Variants in ZNF143 observed in about 807,000 individuals in gnomAD.
ZNF143 encodes SPH-binding factor.
ZNF143 carries 49 observed loss-of-function variants against 74.1 expected under a neutral mutation model. That is an observed-to-expected ratio of 0.66 (90% confidence interval 0.53 to 0.84). The LOEUF is 0.84. Among genes scored for constraint, ZNF143 ranks in the 40% least tolerant of loss-of-function variants. ZNF143 has a pLI of 0.00. For synonymous variants in ZNF143, 304 were observed against 282.8 expected (o/e 1.07, Z -0.75); for missense variants, 637 against 793.4 (o/e 0.80, Z 2.37).
chr11:9,476,961 A>G (rs1479757761), intron 5 of ZNF143, among the ~76,000 whole-genome samples: 2 of 149,120 alleles, frequency 1.3e-5, no homozygotes, highest in Non-Finnish European at 3.0e-5. Flanking sequence ...GCGGGGTTTC[A>G]CCGTGTTAGC....
At chr11:9,489,079 A>G (rs1847670843) in intron 7 of ZNF143, among the ~76,000 whole-genome samples, 2 of 152,144 alleles carry the variant, frequency 1.3e-5, no homozygotes, top group African/African-American at 4.8e-5. Context: ...TATTTTTCCA[A>G]CTACTGTATA....
intron 14 of ZNF143, among the ~76,000 whole-genome samples, chr11:9,519,734 T>C (rs1310893607): frequency 6.6e-6 from 1 of 152,192 alleles, no homozygotes; most frequent in African/African-American, 2.4e-5. Flanking sequence ...CTTGGATAAA[T>C]ACCTATTTGT....
chr11:9,517,564 T>A (rs977956043), intron 14 of ZNF143, among the ~76,000 whole-genome samples: 2 of 152,240 alleles, frequency 1.3e-5, no homozygotes, highest in Admixed American at 1.3e-4. Context: ...GTGCCTCTTC[T>A]CCTTCAGCAT....
chr11:9,525,959 T>C (rs1476197563), intron 15 of ZNF143, among the ~76,000 whole-genome samples: 1 of 151,342 alleles, frequency 6.6e-6, no homozygotes, highest in East Asian at 2.0e-4. Context: ...CTGGGCAACA[T>C]GGTGAAAACC....
intron 11 of ZNF143, among the ~76,000 whole-genome samples, chr11:9,508,064 C>G (rs1056480483): frequency 3.3e-5 from 5 of 152,142 alleles, no homozygotes; most frequent in Non-Finnish European, 7.4e-5. Flanking sequence ...ATTTACTTCC[C>G]TATGTATTGC....
At chr11:9,461,158 T>G (rs1855797573) in intron 1 of ZNF143, 82 bp downstream of exon 1, 1 of 878,628 alleles carries the variant, frequency 1.1e-6, no homozygotes, top group African/African-American at 1.8e-5. Flanking sequence ...GCGGGCCCGC[T>G]TGGGCCCGGG....
At chr11:9,471,902 TTTTTTCTTTTTC>T (rs1171698880) in intron 2 of ZNF143, among the ~76,000 whole-genome samples, 1 of 149,730 alleles carries the variant, frequency 6.7e-6, no homozygotes, top group Non-Finnish European at 1.5e-5. Flanking sequence ...AGGGAATTTT[TTTTTTCTTTTTC>T]TTTTTCTTTT....
intron 10 of ZNF143, among the ~76,000 whole-genome samples, chr11:9,500,423 T>C (rs73406283): frequency 0.021 from 3,173 of 152,076 alleles, 93 homozygotes; most frequent in African/African-American, 0.07. Context: ...TTGTTGAACA[T>C]TAGTTAAAAC....
chr11:9,465,973 T>A (rs1480996739), intron 1 of ZNF143, among the ~76,000 whole-genome samples: 1 of 150,494 alleles, frequency 6.6e-6, no homozygotes, highest in Non-Finnish European at 1.5e-5. Flanking sequence ...GTATTACAGG[T>A]CCAAGCTACC....
In ZNF143 at chr11:9,502,030, A is replaced by G. The variant is rs1451845197; in HGVS notation, c.1147+760A>G. Among the ~76,000 whole-genome samples the G allele has an allele frequency of 7.9e-5, 10 of 126,130 alleles. No homozygotes were observed. In the Admixed American group the frequency reaches 1.0e-3, roughly 13 times the overall value. 82.7% of individuals were successfully genotyped at this position (126,130 alleles called of 152,430 possible). A position where few individuals can be genotyped will look rare whatever the true frequency, so the allele number is the denominator to read the frequency against. ...CGGCTCACTGCAACCTCCGCCTCCC[A>G]GGTTTAAGCGATTCTCCCACCTCAG... On this transcript the variant is annotated intron_variant, in intron 11 of 15. Transcript: ENST00000396602.
intron 1 of ZNF143, among the ~76,000 whole-genome samples, chr11:9,465,318 C>G (rs1856131675): frequency 6.6e-6 from 1 of 151,844 alleles, no homozygotes; most frequent in Non-Finnish European, 1.5e-5. Context: ...TCCCAAGTAG[C>G]TGGGATTACA....
intron 13 of ZNF143, among the ~76,000 whole-genome samples, chr11:9,514,199 A>G (rs1052944285): frequency 1.3e-5 from 2 of 152,132 alleles, no homozygotes; most frequent in Admixed American, 6.5e-5. Context: ...TAATTCTACT[A>G]TTTATCAGAC....
chr11:9,462,285 C>G (rs912586559), intron 1 of ZNF143, among the ~76,000 whole-genome samples: 3 of 149,874 alleles, frequency 2.0e-5, no homozygotes, highest in Admixed American at 1.3e-4. Flanking sequence ...TTTACAGATG[C>G]CCGCCTTTAT....
At chr11:9,486,448 T>TATATATTATATATATA (rs1847549866) in intron 7 of ZNF143, among the ~76,000 whole-genome samples, 1 of 55,162 alleles carries the variant, frequency 1.8e-5, no homozygotes, top group Non-Finnish European at 3.3e-5. Context: ...TAATATATTA[T>TATATATTATATATATA]ATATATTATA....
chr11:9,505,908 A>T (rs919230761), intron 11 of ZNF143, among the ~76,000 whole-genome samples: 16 of 151,718 alleles, frequency 1.1e-4, no homozygotes, highest in Non-Finnish European at 1.9e-4. Flanking sequence ...GGAAAAGACA[A>T]TTCATCTTTT....
intron 6 of ZNF143, 122 bp downstream of exon 6, chr11:9,478,708 G>A: frequency 8.8e-7 from 1 of 1,136,180 alleles, no homozygotes; most frequent in Non-Finnish European, 1.2e-6. Context: ...GCTGGGCATG[G>A]CGTGATGGCT....
At position 9,527,775 on chromosome 11, in the gene ZNF143, G is replaced by T; in HGVS notation, c.*162G>T. ...AACATTTTATTCTTGACACTTTTGTGTATATAACCCTTGGAATAGATTCTC... is the reference window on the plus strand; with the variant it reads ...AACATTTTATTCTTGACACTTTTGTTTATATAACCCTTGGAATAGATTCTC... On this transcript the variant is annotated 3_prime_UTR_variant, in exon 16 of 16. Coordinates refer to ENST00000396602, the MANE Select transcript of ZNF143 (RefSeq NM_003442.6). The T allele has an allele frequency of 1.6e-6, 1 of 613,740 alleles. No homozygotes were observed. The highest frequency in any genetic ancestry group is 2.9e-6 in the Non-Finnish European group (1 of 350,702). 38.0% of individuals were successfully genotyped at this position (613,740 alleles called of 1,614,324 possible).
At chr11:9,497,451 G>A (rs536070217) in intron 9 of ZNF143, among the ~76,000 whole-genome samples, 1 of 151,976 alleles carries the variant, frequency 6.6e-6, no homozygotes, top group Non-Finnish European at 1.5e-5. Context: ...GGCTGAGCTC[G>A]AACTCCTGAC....
At chr11:9,465,982 C>T (rs1489604591) in intron 1 of ZNF143, among the ~76,000 whole-genome samples, 2 of 150,748 alleles carry the variant, frequency 1.3e-5, no homozygotes, top group East Asian at 3.9e-4. Flanking sequence ...GTCCAAGCTA[C>T]CATGTCTGGC....
Sources: gnomAD v4.1 joint callset for allele counts (sites outside exome capture counted in the v4.1 genomes callset) on GRCh38, gnomAD v4.1.1 for gene constraint, MANE v1.5 for transcripts, NCBI Gene and HGNC (gene_info 2026-07-23, HGNC 2026-07-21) for gene names.